Variants in ADAM32 observed in about 807,000 individuals in gnomAD.
ADAM32 encodes the protein ADAM metallopeptidase domain 32, also known as disintegrin and metalloproteinase domain-containing protein 32.
ADAM32 carries 89 observed loss-of-function variants against 114.9 expected under a neutral mutation model. The observed-to-expected ratio is 0.77, with a 90% confidence interval of 0.65 to 0.92. The LOEUF (loss-of-function observed/expected upper bound fraction) is 0.92. Among genes scored for constraint, ADAM32 ranks in the 40% least tolerant of loss-of-function variants. The pLI is 0.00. For synonymous variants in ADAM32, 285 were observed against 307.5 expected, an observed-to-expected ratio of 0.93 and a Z score of 0.77; for missense variants, 870 against 932.8, an observed-to-expected ratio of 0.93 and a Z score of 0.88.
At chr8:39,226,485 A>C (rs886100001) in intron 14 of ADAM32, among the ~76,000 whole-genome samples, 1 of 152,154 alleles carries the variant, frequency 6.6e-6, no homozygotes, top group African/African-American at 2.4e-5. Context: ...ACCAAGACAT[A>C]TTATAATAAA....
At chr8:39,226,129 C>A (rs1180134281) in intron 14 of ADAM32, among the ~76,000 whole-genome samples, 1 of 151,932 alleles carries the variant, frequency 6.6e-6, no homozygotes, top group Non-Finnish European at 1.5e-5. Context: ...CAACAGAATT[C>A]ACAAAGCAAA....
rs946010889 is a variant in ADAM32 at position 39,233,769 on chromosome 8, C to T, written c.1635-130C>T. ...ACTTTTTACTTTGTTACCGTGAAAA[C>T]ATTAACGTTTTCTGTAAGTACATTG... On this transcript the variant is annotated intron_variant, in intron 15 of 24. Transcript: ENST00000379907. 45 of 575,244 alleles carry T rather than the reference C, an allele frequency of 7.8e-5. No homozygotes were observed. In the South Asian group the frequency reaches 8.1e-4, roughly 10 times the overall value. The allele number at this position is 575,244 out of a possible 1,614,324, so 35.6% of individuals were successfully genotyped here. A position where few individuals can be genotyped will look rare whatever the true frequency, so the allele number is the denominator to read the frequency against.
chr8:39,123,652 T>C (rs947565578), intron 2 of ADAM32, among the ~76,000 whole-genome samples: 1 of 152,144 alleles, frequency 6.6e-6, no homozygotes, highest in African/African-American at 2.4e-5. Context: ...TATGATACTT[T>C]CATTTATTTA....
At chr8:39,205,496 C>T (rs1807764114) in intron 11 of ADAM32, among the ~76,000 whole-genome samples, 1 of 152,216 alleles carries the variant, frequency 6.6e-6, no homozygotes. Context: ...GTGGGAGTGA[C>T]CTGATTTTCC....
chr8:39,123,807 A>C (rs1801937990), intron 2 of ADAM32, among the ~76,000 whole-genome samples: 1 of 151,260 alleles, frequency 6.6e-6, no homozygotes, highest in Non-Finnish European at 1.5e-5. Context: ...CCTGCGTTCA[A>C]GTGATTCTCC....
intron 11 of ADAM32, among the ~76,000 whole-genome samples, chr8:39,196,609 T>C (rs1342857169): frequency 1.3e-5 from 2 of 152,176 alleles, no homozygotes; most frequent in Non-Finnish European, 2.9e-5. Context: ...TTTTTGTCCT[T>C]CATTCTGTTG....
intron 11 of ADAM32, among the ~76,000 whole-genome samples, chr8:39,204,204 C>A (rs567185955): frequency 1.7e-4 from 26 of 152,306 alleles, no homozygotes; most frequent in Admixed American, 5.9e-4. Flanking sequence ...GGAAGTTCTC[C>A]TGGATAATAT....
chr8:39,249,722 T>A (rs1585642584), intron 17 of ADAM32, among the ~76,000 whole-genome samples: 2 of 152,240 alleles, frequency 1.3e-5, no homozygotes, highest in South Asian at 4.1e-4. Flanking sequence ...CTATTCTTTT[T>A]ATGTAAATAA....
intron 7 of ADAM32, among the ~76,000 whole-genome samples, chr8:39,162,381 G>A (rs1426417704): frequency 6.6e-6 from 1 of 151,944 alleles, no homozygotes; most frequent in Non-Finnish European, 1.5e-5. Flanking sequence ...TGGTGTATAT[G>A]TGCCACATAT....
chr8:39,130,542 A>G (rs1802379092), intron 2 of ADAM32, among the ~76,000 whole-genome samples: 1 of 151,886 alleles, frequency 6.6e-6, no homozygotes, highest in African/African-American at 2.4e-5. Flanking sequence ...AAAGCCACAC[A>G]TTTCTCTACA....
chr8:39,114,614 C>G (rs760583680), intron 1 of ADAM32, among the ~76,000 whole-genome samples: 86 of 152,206 alleles, frequency 5.7e-4, no homozygotes, highest in Non-Finnish European at 2.8e-4. Context: ...TTGTGCTCAC[C>G]TGTCTCTGAG....
At chr8:39,149,056 C>T (rs187146799) in intron 4 of ADAM32, among the ~76,000 whole-genome samples, 36 of 152,246 alleles carry the variant, frequency 2.4e-4, no homozygotes, top group Non-Finnish European at 4.4e-4. Context: ...TAGTATTTTG[C>T]ATATGTTAAC....
intron 3 of ADAM32, among the ~76,000 whole-genome samples, chr8:39,143,778 C>T (rs1803328985): frequency 6.6e-6 from 1 of 152,188 alleles, no homozygotes. Flanking sequence ...TCTGCAGAAG[C>T]TGTCTGGTGC....
At chr8:39,281,289 G>A (rs1295808024) in intron 23 of ADAM32, 115 bp downstream of exon 23, 3 of 397,338 alleles carry the variant, frequency 7.6e-6, no homozygotes, top group Non-Finnish European at 1.3e-5. Context: ...AATCGATAAA[G>A]TCTACACCAA....
At chr8:39,129,925 A>G in intron 2 of ADAM32, 2 of 341,042 alleles carry the variant, frequency 5.9e-6, no homozygotes, top group Non-Finnish European at 1.1e-5. Flanking sequence ...GTTATCCAAT[A>G]TGTTGGCATA....
At chr8:39,190,951 G>T (rs986816923) in intron 11 of ADAM32, among the ~76,000 whole-genome samples, 9 of 152,010 alleles carry the variant, frequency 5.9e-5, no homozygotes, top group East Asian at 1.9e-4. Flanking sequence ...AGTGTCTATT[G>T]TTCCTCTGTA....
intron 6 of ADAM32, among the ~76,000 whole-genome samples, chr8:39,151,811 G>A (rs887708161): frequency 2.7e-5 from 4 of 150,232 alleles, no homozygotes; most frequent in African/African-American, 4.9e-5. Context: ...CCACAGACAT[G>A]CACCACCATA....
chr8:39,142,179 A>C (rs1392191882), intron 3 of ADAM32, among the ~76,000 whole-genome samples: 21 of 152,102 alleles, frequency 1.4e-4, no homozygotes, highest in Admixed American at 1.4e-3. Flanking sequence ...GTGTCTTTTA[A>C]TTGGGGCATT....
At chr8:39,139,111 C>T (rs1355813672) in intron 3 of ADAM32, among the ~76,000 whole-genome samples, 1 of 152,104 alleles carries the variant, frequency 6.6e-6, no homozygotes, top group African/African-American at 2.4e-5. Context: ...AAGATTTTCT[C>T]CCATTCTGTA....
Sources: gnomAD v4.1 joint callset for allele counts (sites outside exome capture counted in the v4.1 genomes callset) on GRCh38, gnomAD v4.1.1 for gene constraint, MANE v1.5 for transcripts, NCBI Gene and HGNC (gene_info 2026-07-23, HGNC 2026-07-21) for gene names.